The following DLG2 variants were observed in gnomAD, a reference collection of about 807,000 sequenced individuals.
The protein encoded by DLG2 is discs large MAGUK scaffold protein 2.
In DLG2, 45 loss-of-function variants were observed where a neutral mutation model predicts 132.5. That is an observed-to-expected ratio of 0.34 (90% CI 0.27 to 0.44). DLG2 has a LOEUF of 0.44. Among genes scored for constraint, DLG2 ranks in the 20% least tolerant of loss-of-function variants. DLG2 has a pLI of 1.00. For missense variants in DLG2, 1,045 were observed against 1,196.9 expected (o/e 0.87, Z 1.87); for synonymous variants, 424 against 419.6 (o/e 1.01, Z -0.13).
intron 5 of DLG2, among the ~76,000 whole-genome samples, chr11:85,121,843 T>G (rs542048705): frequency 5.9e-5 from 9 of 152,336 alleles, no homozygotes; most frequent in Non-Finnish European, 1.2e-4. Flanking sequence ...TATATACACA[T>G]GTACATATGT....
intron 18 of DLG2, among the ~76,000 whole-genome samples, chr11:83,780,492 T>A (rs923219918): frequency 6.6e-6 from 1 of 152,202 alleles, no homozygotes; most frequent in African/African-American, 2.4e-5. Flanking sequence ...GCTATTCAAA[T>A]TTTCAAATTT....
intron 11 of DLG2, among the ~76,000 whole-genome samples, chr11:83,994,815 G>A (rs1465387721): frequency 2.6e-5 from 4 of 152,096 alleles, no homozygotes; most frequent in Admixed American, 6.6e-5. Flanking sequence ...GCAGGGTTGA[G>A]TCCTCCTGAA....
At chr11:84,446,363 A>T (rs551436919) in intron 7 of DLG2, among the ~76,000 whole-genome samples, 4 of 152,152 alleles carry the variant, frequency 2.6e-5, no homozygotes, top group African/African-American at 9.7e-5. Context: ...CTGAACGTCT[A>T]ATCTCACTGG....
At chr11:84,755,697 A>G (rs1432079875) in intron 6 of DLG2, among the ~76,000 whole-genome samples, 1 of 152,222 alleles carries the variant, frequency 6.6e-6, no homozygotes, top group East Asian at 1.9e-4. Context: ...TGCTGGGATT[A>G]CAGGCATGAG....
At chr11:85,430,577 T>A (rs1182341702) in intron 3 of DLG2, among the ~76,000 whole-genome samples, 1 of 152,090 alleles carries the variant, frequency 6.6e-6, no homozygotes, top group Non-Finnish European at 1.5e-5. Flanking sequence ...TGAGCTAAAA[T>A]GTGAGAAGTA....
chr11:84,770,056 T>G (rs1038180340), intron 6 of DLG2, among the ~76,000 whole-genome samples: 1 of 152,160 alleles, frequency 6.6e-6, no homozygotes, highest in Non-Finnish European at 1.5e-5. Context: ...GTGTGGGTTA[T>G]GGAGGTAGAT....
intron 3 of DLG2, among the ~76,000 whole-genome samples, chr11:85,341,181 C>T (rs765989355): frequency 1.3e-5 from 2 of 151,984 alleles, no homozygotes; most frequent in African/African-American, 2.4e-5. Context: ...TGTAGTGGCA[C>T]GATCTCAGCT....
intron 6 of DLG2, among the ~76,000 whole-genome samples, chr11:84,938,168 G>A (rs1354796253): frequency 6.6e-6 from 1 of 152,110 alleles, no homozygotes; most frequent in Non-Finnish European, 1.5e-5. Context: ...TGGAACCAAA[G>A]CTCATCTCAC....
chr11:84,095,709 C>T (rs559880921), intron 10 of DLG2, among the ~76,000 whole-genome samples: 13 of 152,172 alleles, frequency 8.5e-5, no homozygotes, highest in African/African-American at 3.1e-4. Context: ...CTGCAGAATC[C>T]CACTCTATAA....
At chr11:83,584,588 T>C (rs980758750) in intron 19 of DLG2, among the ~76,000 whole-genome samples, 6 of 152,228 alleles carry the variant, frequency 3.9e-5, no homozygotes, top group Non-Finnish European at 7.3e-5. Flanking sequence ...TGATGAATAA[T>C]AGAGTGTCAT....
At chr11:84,191,755 C>T (rs951778270) in intron 8 of DLG2, among the ~76,000 whole-genome samples, 5 of 152,164 alleles carry the variant, frequency 3.3e-5, no homozygotes, top group Non-Finnish European at 7.3e-5. Context: ...TTGACAACTG[C>T]ATACAGTCTG....
intron 6 of DLG2, among the ~76,000 whole-genome samples, chr11:85,100,342 G>C (rs1278889906): frequency 1.3e-5 from 2 of 151,984 alleles, no homozygotes; most frequent in African/African-American, 4.8e-5. Context: ...ACTGATTTAG[G>C]CATATTTATA....
chr11:83,791,703 G>A (rs1471037289), intron 17 of DLG2: 3 of 247,802 alleles, frequency 1.2e-5, no homozygotes, highest in African/African-American at 4.7e-5. Flanking sequence ...GGAGTTCGAG[G>A]TGGGCAGATC....
At chr11:84,464,307 G>T (rs1203082606) in intron 7 of DLG2, among the ~76,000 whole-genome samples, 1 of 151,128 alleles carries the variant, frequency 6.6e-6, no homozygotes, top group Non-Finnish European at 1.5e-5. Context: ...CAACTACAGG[G>T]ATAAAGAGGA....
intron 11 of DLG2, among the ~76,000 whole-genome samples, chr11:83,988,037 C>T (rs1273905604): frequency 1.3e-5 from 2 of 151,988 alleles, no homozygotes; most frequent in Non-Finnish European, 2.9e-5. Flanking sequence ...GGACATCAGA[C>T]CTTTGTCAGA....
At chr11:84,178,445 A>T (rs2096029398) in intron 8 of DLG2, among the ~76,000 whole-genome samples, 1 of 152,092 alleles carries the variant, frequency 6.6e-6, no homozygotes. Context: ...TCCTCAAGAG[A>T]CTACAGAAGG....
chr11:85,397,580 G>T (rs184992364), intron 3 of DLG2, among the ~76,000 whole-genome samples: 1 of 152,090 alleles, frequency 6.6e-6, no homozygotes, highest in Non-Finnish European at 1.5e-5. Context: ...AGGGATGGAG[G>T]AAGATATACC....
intron 6 of DLG2, among the ~76,000 whole-genome samples, chr11:84,595,314 T>C (rs544280403): frequency 6.6e-6 from 1 of 152,158 alleles, no homozygotes; most frequent in South Asian, 2.1e-4. Context: ...GGTTTTGCTA[T>C]GTTGCCCAGG....
intron 17 of DLG2, among the ~76,000 whole-genome samples, chr11:83,825,130 TATACACAC>T (rs1421378896): frequency 3.4e-5 from 3 of 89,176 alleles, no homozygotes; most frequent in African/African-American, 8.0e-5. Flanking sequence ...CACATATATA[TATACACAC>T]ACACACACAC....
Sources: gnomAD v4.1 joint callset for allele counts (sites outside exome capture counted in the v4.1 genomes callset) on GRCh38, gnomAD v4.1.1 for gene constraint, MANE v1.5 for transcripts, NCBI Gene and HGNC (gene_info 2026-07-23, HGNC 2026-07-21) for gene names.